The following COL11A1 variants were observed in gnomAD, a reference collection of about 807,000 sequenced individuals.
COL11A1 encodes the protein collagen alpha-1(XI) chain.
In COL11A1, 74 loss-of-function variants were observed where a neutral mutation model predicts 265.2. That is an observed-to-expected ratio of 0.28 (90% CI 0.23 to 0.34). The LOEUF (loss-of-function observed/expected upper bound fraction) is 0.34, where lower values mean the gene tolerates loss of function less well. Ranked by LOEUF, COL11A1 falls within the 10% of genes least tolerant of loss-of-function variation. The pLI is 1.00. For missense variants in COL11A1, 2,165 were observed against 2,263.6 expected (o/e 0.96, Z 0.88); for synonymous variants, 816 against 727.6 (o/e 1.12, Z -1.96).
intron 1 of COL11A1, among the ~76,000 whole-genome samples, chr1:103,096,038 G>T (rs1381960639): frequency 6.6e-6 from 1 of 151,928 alleles, no homozygotes; most frequent in Non-Finnish European, 1.5e-5. Context: ...TATTCTAAAT[G>T]AGATTTAAAA....
intron 56 of COL11A1, 92 bp from the exon 57 acceptor site, chr1:102,898,270 C>T: frequency 5.3e-6 from 3 of 571,088 alleles, no homozygotes; most frequent in Non-Finnish European, 7.5e-6. Context: ...AATAAGAAAA[C>T]AAAGGAAATA....
At chr1:103,065,936 C>G (rs1252600749) in intron 4 of COL11A1, among the ~76,000 whole-genome samples, 1 of 151,760 alleles carries the variant, frequency 6.6e-6, no homozygotes, top group Non-Finnish European at 1.5e-5. Flanking sequence ...TACATGATAA[C>G]AACAATGTGA....
At chr1:102,962,086 C>T in intron 40 of COL11A1, 90 bp downstream of exon 40, 1 of 1,142,162 alleles carries the variant, frequency 8.8e-7, no homozygotes, top group Non-Finnish European at 1.3e-6. Flanking sequence ...ATATATCTTC[C>T]CTTAATCATC....
chr1:103,081,960 C>T (rs4480381), intron 2 of COL11A1, among the ~76,000 whole-genome samples: 142,116 of 151,942 alleles, frequency 0.94, 66,705 homozygotes, highest in East Asian at 1. Flanking sequence ...CACCCATCAA[C>T]TGACCAATCA....
Position 103,026,261 on chromosome 1 carries a change from T to C in COL11A1, c.852A>G (p.Val284=). 1.2e-6 allele frequency: 2 copies of C among 1,613,812 alleles called. No homozygotes were observed. Among genetic ancestry groups the C allele is most frequent in the Non-Finnish European group, 1.7e-6 (2 of 1,179,682 alleles). ...GEAEYKEAES[V]TEGPTVTEET... ...CCTCAGTTACAGTGGGTCCCTCTGT[T>C]ACACTTTCAGCCTCTTTATACTCTG... is the stretch of plus-strand genomic sequence containing the variant. The change falls in exon 6 of 67, where the codon GTA becomes GTG. Residue 284 remains valine, a synonymous_variant. Transcript: ENST00000370096.
intron 15 of COL11A1, 52 bp downstream of exon 15, chr1:103,008,411 G>T: frequency 7.0e-7 from 1 of 1,424,728 alleles, no homozygotes; most frequent in Non-Finnish European, 9.9e-7. Context: ...AAGGAATTAT[G>T]CTGTATCAAA....
At chr1:103,032,670 C>T (rs1476552572) in intron 4 of COL11A1, among the ~76,000 whole-genome samples, 1 of 152,002 alleles carries the variant, frequency 6.6e-6, no homozygotes, top group East Asian at 1.9e-4. Context: ...TTAGTAAATA[C>T]TGTGGTTACT....
chr1:103,076,239 T>C (rs998535377), intron 3 of COL11A1, among the ~76,000 whole-genome samples: 3 of 152,054 alleles, frequency 2.0e-5, no homozygotes, highest in Admixed American at 6.6e-5. Context: ...ATTCTATCAG[T>C]TCATATATTC....
intron 1 of COL11A1, among the ~76,000 whole-genome samples, chr1:103,096,813 T>C (rs1673808117): frequency 6.6e-6 from 1 of 152,038 alleles, no homozygotes; most frequent in Non-Finnish European, 1.5e-5. Context: ...AATCATTGTT[T>C]GCAATTTTTG....
chr1:102,990,002 A>G (rs988093105), intron 28 of COL11A1, among the ~76,000 whole-genome samples: 1 of 152,086 alleles, frequency 6.6e-6, no homozygotes. Flanking sequence ...CCTGGGCCAC[A>G]TGGCAAAACC....
chr1:102,948,980 G>T (rs954722272), intron 41 of COL11A1, among the ~76,000 whole-genome samples: 54 of 152,112 alleles, frequency 3.6e-4, no homozygotes, highest in African/African-American at 1.3e-3. Flanking sequence ...GAAGAAAAAA[G>T]TATAGGAGGT....
At chr1:102,948,005 A>G (rs889115523) in intron 41 of COL11A1, among the ~76,000 whole-genome samples, 6 of 151,736 alleles carry the variant, frequency 4.0e-5, no homozygotes, top group Non-Finnish European at 8.8e-5. Context: ...TCATTTCAAA[A>G]CTCAGAGAAA....
At chr1:103,006,431 C>T in intron 15 of COL11A1, 116 bp from the exon 16 acceptor site, 1 of 560,714 alleles carries the variant, frequency 1.8e-6, no homozygotes, top group Non-Finnish European at 2.9e-6. Context: ...CTTAATCATT[C>T]AAACACAAGA....
rs1236218501 is a variant in COL11A1, at chr1:102,991,739, T to C, written c.2341-2168A>G. The stretch of plus-strand genomic sequence containing the variant: ...GCAAGGTATATTAAAGTCCAGAAAA[T>C]ACCAAATACTGGGTACTTGTGAATA... On this transcript the variant is annotated intron_variant, in intron 28 of 66. Transcript: ENST00000370096. Among the ~76,000 whole-genome samples the C allele has an allele frequency of 1.3e-5, 2 of 152,050 alleles. 1 individual carries two copies. The highest frequency in any genetic ancestry group is 1.3e-4 in the Admixed American group (2 of 15,228).
At chr1:103,039,596 A>G (rs796988957) in intron 4 of COL11A1, among the ~76,000 whole-genome samples, 41 of 151,550 alleles carry the variant, frequency 2.7e-4, no homozygotes, top group African/African-American at 8.4e-4. Flanking sequence ...ACGCTCGGAC[A>G]GAAGAAAACG....
At chr1:103,016,538 T>C (rs1378920800) in intron 11 of COL11A1, among the ~76,000 whole-genome samples, 1 of 151,944 alleles carries the variant, frequency 6.6e-6, no homozygotes, top group Non-Finnish European at 1.5e-5. Context: ...CATTTCTACA[T>C]AGCCATGTCA....
chr1:102,977,981 T>TTATACATTTCAAATCATAA (rs1553224104), intron 35 of COL11A1, among the ~76,000 whole-genome samples: 6 of 152,124 alleles, frequency 3.9e-5, no homozygotes, highest in Non-Finnish European at 8.8e-5. Context: ...AAAATGCCTA[T>TTATACATTTCAAATCATAA]TATACATTTC....
Position 102,965,978 on chromosome 1 carries a change from A to G in COL11A1, c.2863-438T>C, listed in dbSNP as rs191723118. The stretch of plus-strand genomic sequence containing the variant: ...TATTGTATTCCAAAAATCTCATAAA[A>G]CAAGATATAAAAATAGATCTACTAA... On this transcript the variant is annotated intron_variant, in intron 37 of 66. Coordinates refer to ENST00000370096, the MANE Select transcript of COL11A1 (RefSeq NM_001854.4). 1.6e-3 allele frequency among the ~76,000 whole-genome samples: 248 copies of G among 152,324 alleles called. 1 individual carries two copies. The highest frequency in any genetic ancestry group is 0.01 in the Middle Eastern group (3 of 294).
chr1:102,988,202 G>A (rs1361815857), intron 29 of COL11A1, among the ~76,000 whole-genome samples: 2 of 152,048 alleles, frequency 1.3e-5, no homozygotes, highest in African/African-American at 2.4e-5. Context: ...CCCATGATTC[G>A]TGATTTAACT....
Sources: allele counts gnomAD v4.1 joint callset (sites outside exome capture counted in the v4.1 genomes callset), GRCh38; gene constraint gnomAD v4.1.1; transcripts MANE v1.5; gene names NCBI Gene and HGNC (gene_info 2026-07-23, HGNC 2026-07-21).